Variants in GOLIM4 observed in about 807,000 individuals in gnomAD.
GOLIM4 encodes the protein golgi integral membrane protein 4, also known as 130 kDa golgi-localized phosphoprotein.
In GOLIM4, 71 loss-of-function variants were observed where a neutral mutation model predicts 107.4. The observed-to-expected ratio is 0.66, with a 90% confidence interval of 0.55 to 0.81. GOLIM4 has a LOEUF of 0.81. Ranked by LOEUF, GOLIM4 falls within the 30% of genes least tolerant of loss-of-function variation. GOLIM4 has a pLI of 0.00. For missense variants in GOLIM4, 830 were observed against 826.1 expected, an observed-to-expected ratio of 1.00 and a Z score of -0.06; for synonymous variants, 327 against 294.8, an observed-to-expected ratio of 1.11 and a Z score of -1.12.
At chr3:168,077,295 C>T (rs949681038) in intron 1 of GOLIM4, among the ~76,000 whole-genome samples, 7 of 152,180 alleles carry the variant, frequency 4.6e-5, no homozygotes, top group South Asian at 2.1e-4. Context: ...ATCCCATTAA[C>T]GTTTGGCCAA....
Position 168,032,629 on chromosome 3 carries a change from T to C in GOLIM4, c.1067A>G (p.His356Arg), listed in dbSNP as rs747846772. ...TGATGGATCGTGTTCCTCCTCAAGATGTTCTGCTTGCCCGACCTGCTCCAT... is the reference window on the plus strand; with the variant it reads ...TGATGGATCGTGTTCCTCCTCAAGACGTTCTGCTTGCCCGACCTGCTCCAT... ...EEMEQVGQAE[H>R]LEEEHDPSPE... is the part of the protein sequence containing the mutation. Residue 356 changes from histidine to arginine, a missense_variant, in exon 9 of 16, where the codon CAT becomes CGT. Coordinates refer to ENST00000470487, the MANE Select transcript of GOLIM4 (RefSeq NM_014498.5). The C allele has an allele frequency of 2.5e-5, 40 of 1,614,058 alleles. No individual in the cohort carries two copies. Among genetic ancestry groups the C allele is most frequent in the Middle Eastern group, 1.6e-4 (1 of 6,062 alleles).
chr3:168,041,308 C>G (rs1162123382), intron 6 of GOLIM4, 84 bp downstream of exon 6: 3 of 771,466 alleles, frequency 3.9e-6, no homozygotes, highest in Admixed American at 4.0e-5. Flanking sequence ...GTAAAGCAGG[C>G]CAATTAGGGA....
intron 1 of GOLIM4, among the ~76,000 whole-genome samples, chr3:168,054,955 CTTTT>C (rs1719862112): frequency 6.6e-6 from 1 of 152,170 alleles, no homozygotes; most frequent in Non-Finnish European, 1.5e-5. Flanking sequence ...AAATTCTCTT[CTTTT>C]GTCTGCTGCC....
intron 14 of GOLIM4, among the ~76,000 whole-genome samples, chr3:168,011,572 G>T (rs1273055072): frequency 6.6e-6 from 1 of 151,844 alleles, no homozygotes; most frequent in Non-Finnish European, 1.5e-5. Context: ...TGCCTCTGTA[G>T]GCTCCACCTC....
chr3:168,032,906 T>C (rs1392685696), intron 8 of GOLIM4, 54 bp from the exon 9 acceptor site: 2 of 1,339,614 alleles, frequency 1.5e-6, no homozygotes, highest in Non-Finnish European at 2.1e-6. Flanking sequence ...AAAGTAATGA[T>C]GTAATTTCTT....
chr3:168,054,831 G>A (rs113513411), intron 1 of GOLIM4, among the ~76,000 whole-genome samples: 2,604 of 152,186 alleles, frequency 0.017, 75 homozygotes, highest in African/African-American at 0.06. Flanking sequence ...TGTGGTGGGA[G>A]GGACCCAGTG....
intron 1 of GOLIM4, among the ~76,000 whole-genome samples, chr3:168,065,202 G>A (rs1190217492): frequency 6.6e-6 from 1 of 152,128 alleles, no homozygotes; most frequent in Admixed American, 6.5e-5. Flanking sequence ...TTAAAATTCT[G>A]TGATTTTAAA....
intron 1 of GOLIM4, among the ~76,000 whole-genome samples, chr3:168,071,660 T>C (rs1181162072): frequency 2.0e-5 from 3 of 151,228 alleles, no homozygotes; most frequent in African/African-American, 7.3e-5. Flanking sequence ...CCATTTTTGC[T>C]TGATGACTAA....
At chr3:168,052,429 C>T (rs372192121) in intron 1 of GOLIM4, among the ~76,000 whole-genome samples, 28 of 152,164 alleles carry the variant, frequency 1.8e-4, no homozygotes, top group Non-Finnish European at 2.1e-4. Flanking sequence ...TGTATACACA[C>T]ACATATATCT....
chr3:168,066,340 CTGA>C (rs1317464302), intron 1 of GOLIM4, among the ~76,000 whole-genome samples: 1 of 152,078 alleles, frequency 6.6e-6, no homozygotes, highest in Non-Finnish European at 1.5e-5. Flanking sequence ...ACATGAGTAG[CTGA>C]TGTTTATTAT....
chr3:168,050,771 C>G (rs1350690505), intron 1 of GOLIM4, among the ~76,000 whole-genome samples: 1 of 151,198 alleles, frequency 6.6e-6, no homozygotes, highest in Non-Finnish European at 1.5e-5. Flanking sequence ...CAAGATCCTA[C>G]AGCAGCAAAG....
chr3:168,024,471 G>A lies in GOLIM4; in HGVS notation c.1860+55C>T, dbSNP rs1717885027. 3.4e-6 allele frequency: 4 copies of A among 1,188,018 alleles called. No individual in the cohort carries two copies. The South Asian group carries it at 3.6e-5, about 11-fold the overall frequency. The allele number at this position is 1,188,018 out of a possible 1,614,324, so 73.6% of individuals were successfully genotyped here. A position where few individuals can be genotyped will look rare whatever the true frequency, so the allele number is the denominator to read the frequency against. On this transcript the variant is annotated intron_variant, in intron 14 of 15. Coordinates refer to ENST00000470487, the MANE Select transcript of GOLIM4 (RefSeq NM_014498.5). ...TCAATACTGCTGAGGTTTGTTTAAG[G>A]TTAGTGTGTGTGACAGACCAATCTG...
intron 1 of GOLIM4, 151 bp downstream of exon 1, chr3:168,094,948 T>G (rs2280524): frequency 0.52 from 318,918 of 608,006 alleles, 85,491 homozygotes; most frequent in African/African-American, 0.7. Flanking sequence ...GACACTCTGG[T>G]GCCGGCAGTC....
intron 4 of GOLIM4, among the ~76,000 whole-genome samples, chr3:168,044,348 G>C (rs9810182): frequency 0.3 from 46,113 of 152,036 alleles, 7,732 homozygotes; most frequent in African/African-American, 0.44. Flanking sequence ...TCCTGACACA[G>C]AATAATGAGT....
chr3:168,037,157 T>G (rs1718700192), intron 7 of GOLIM4, among the ~76,000 whole-genome samples, 163 bp from the exon 8 acceptor site: 1 of 152,162 alleles, frequency 6.6e-6, no homozygotes, highest in Admixed American at 6.5e-5. Context: ...TTGGGCATGC[T>G]TAATCATTTT....
chr3:168,089,939 T>C (rs963360018), intron 1 of GOLIM4, among the ~76,000 whole-genome samples: 4 of 152,074 alleles, frequency 2.6e-5, no homozygotes, highest in African/African-American at 9.7e-5. Flanking sequence ...GGCTAATTTT[T>C]GTATTTTTAG....
intron 1 of GOLIM4, among the ~76,000 whole-genome samples, chr3:168,083,754 T>C (rs1049252533): frequency 1.3e-5 from 2 of 152,182 alleles, no homozygotes; most frequent in Non-Finnish European, 2.9e-5. Context: ...ATGACAATAA[T>C]AATACTCAAA....
At chr3:168,052,957 A>G (rs1193719917) in intron 1 of GOLIM4, among the ~76,000 whole-genome samples, 1 of 152,242 alleles carries the variant, frequency 6.6e-6, no homozygotes, top group Non-Finnish European at 1.5e-5. Context: ...ACACTGCAAC[A>G]GGAATAGGAT....
At chr3:168,060,712 A>C (rs1720221473) in intron 1 of GOLIM4, among the ~76,000 whole-genome samples, 1 of 152,236 alleles carries the variant, frequency 6.6e-6, no homozygotes, top group Admixed American at 6.5e-5. Flanking sequence ...GCTTGTTACT[A>C]GCACAGATTC....
Sources: gnomAD v4.1 joint callset for allele counts (sites outside exome capture counted in the v4.1 genomes callset) on GRCh38, gnomAD v4.1.1 for gene constraint, MANE v1.5 for transcripts, NCBI Gene and HGNC (gene_info 2026-07-23, HGNC 2026-07-21) for gene names.